Variants in RASA3 observed in about 807,000 individuals in gnomAD.
RASA3 encodes RAS p21 protein activator 3, also known as ras GTPase-activating protein 3.
RASA3 carries 73 observed loss-of-function variants against 110.0 expected under a neutral mutation model. The observed-to-expected ratio is 0.66, with a 90% CI of 0.55 to 0.81. The LOEUF (loss-of-function observed/expected upper bound fraction) is 0.81. Among genes scored for constraint, RASA3 ranks in the 30% least tolerant of loss-of-function variants. The pLI is 0.00. For synonymous variants in RASA3, 500 were observed against 451.4 expected (o/e 1.11, Z -1.37); for missense variants, 976 against 1,113.2 (o/e 0.88, Z 1.75).
chr13:114,045,963 T>C (rs1346791543), intron 3 of RASA3, among the ~76,000 whole-genome samples: 1 of 152,208 alleles, frequency 6.6e-6, no homozygotes, highest in Non-Finnish European at 1.5e-5. Context: ...ACCATGTCCA[T>C]GGATTTGAAG....
chr13:114,039,769 A>G (rs2054358198), intron 4 of RASA3, among the ~76,000 whole-genome samples: 1 of 152,186 alleles, frequency 6.6e-6, no homozygotes, highest in South Asian at 2.1e-4. Context: ...CTGTGAACAC[A>G]AGGGTCTGGG....
intron 15 of RASA3, among the ~76,000 whole-genome samples, chr13:114,012,700 T>TCATTCCACACACCCTCCC: frequency 1.4e-5 from 1 of 69,030 alleles, no homozygotes; most frequent in Non-Finnish European, 3.2e-5. Context: ...CACACACTCC[T>TCATTCCACACACCCTCCC]CATTCCACAC....
chr13:114,123,183 G>A (rs1462783828), intron 1 of RASA3, among the ~76,000 whole-genome samples: 1 of 152,190 alleles, frequency 6.6e-6, no homozygotes, highest in Non-Finnish European at 1.5e-5. Context: ...ACGCCGAGGT[G>A]GCCGCCCCAG....
chr13:114,105,800 T>G (rs2080126359), intron 1 of RASA3, among the ~76,000 whole-genome samples: 2 of 152,176 alleles, frequency 1.3e-5, no homozygotes, highest in African/African-American at 4.8e-5. Flanking sequence ...AAAAATATTT[T>G]TAAGAGAACA....
At position 114,027,445 on chromosome 13, in the gene RASA3, T is replaced by G; in HGVS notation, c.547A>C (p.Thr183Pro). Reference sequence around the variant, plus strand: ...TTGTTGGTCTTCCTCTTCACTTTCGTCTTCTTTGCTTCTGATCTGTTATCA... The same window carrying G: ...TTGTTGGTCTTCCTCTTCACTTTCGGCTTCTTTGCTTCTGATCTGTTATCA... ...AGPFRSEAKK[T>P]KVKRKTNNPQ... The change falls in exon 7 of 24, where the codon ACG becomes CCG. Residue 183 changes from threonine (T) to proline (P), a missense_variant. Physicochemically the swap from Thr to Pro is conservative, Grantham distance 38. Coordinates refer to ENST00000334062, the MANE Select transcript of RASA3 (RefSeq NM_007368.4). 2 of 1,612,640 alleles carry G rather than the reference T, an allele frequency of 1.2e-6. No homozygotes were observed. The highest frequency in any genetic ancestry group is 1.7e-6 in the Non-Finnish European group (2 of 1,178,732).
intron 8 of RASA3, among the ~76,000 whole-genome samples, chr13:114,023,181 C>G (rs2053961390): frequency 6.6e-6 from 1 of 152,244 alleles, no homozygotes. Flanking sequence ...TGATGGCCAG[C>G]ACATTCTCCA....
chr13:114,017,173 C>A (rs890722650), intron 12 of RASA3, 64 bp downstream of exon 12: 1 of 1,436,310 alleles, frequency 7.0e-7, no homozygotes, highest in African/African-American at 1.4e-5. Flanking sequence ...CAGTGCAGTG[C>A]CCTCTGTTGG....
At chr13:114,016,403 G>A (rs1366656984) in intron 12 of RASA3, 132 bp from the exon 13 acceptor site, 26 of 701,306 alleles carry the variant, frequency 3.7e-5, no homozygotes, top group Middle Eastern at 3.7e-4. Context: ...ACAGCTCCCC[G>A]AACCCGGCCA....
intron 1 of RASA3, among the ~76,000 whole-genome samples, chr13:114,092,078 T>C (rs919810966): frequency 6.6e-6 from 1 of 152,046 alleles, no homozygotes; most frequent in Non-Finnish European, 1.5e-5. Context: ...TTTTTCTTAG[T>C]CTAGCTAGAG....
chr13:114,010,449 C>A (rs1449251531), intron 16 of RASA3, among the ~76,000 whole-genome samples: 1 of 151,854 alleles, frequency 6.6e-6, no homozygotes, highest in Non-Finnish European at 1.5e-5. Flanking sequence ...CCCCCTCAAA[C>A]ACACAAGGTG....
At position 114,087,253 on chromosome 13, in the gene RASA3, T is replaced by G. The variant is rs529313897; in HGVS notation, c.56-13416A>C. On this transcript the variant is annotated intron_variant, in intron 1 of 23. Coordinates refer to ENST00000334062, the MANE Select transcript of RASA3 (RefSeq NM_007368.4). Reference sequence around the variant, plus strand: ...GGGGAAGTGCTGAGTCTGGAGTATTTATTCCCTTCGTCCTCGCGGGGAAAT... The same window carrying G: ...GGGGAAGTGCTGAGTCTGGAGTATTGATTCCCTTCGTCCTCGCGGGGAAAT... Among the ~76,000 whole-genome samples the G allele has an allele frequency of 3.8e-3, 165 of 43,942 alleles. 2 individuals are homozygous for G. Among genetic ancestry groups the G allele is most frequent in the Non-Finnish European group, 8.5e-3 (95 of 11,166 alleles). 28.8% of individuals were successfully genotyped at this position (43,942 alleles called of 152,430 possible).
In RASA3 at chr13:114,028,871, G is replaced by GGT. The variant is rs200912448; in HGVS notation, c.449+939_449+940insAC. Among the ~76,000 whole-genome samples the GGT allele has an allele frequency of 5.9e-3, 90 of 15,266 alleles. 12 individuals carry two copies. The highest frequency in any genetic ancestry group is 7.1e-3 in the Non-Finnish European group (64 of 8,980). The allele number at this position is 15,266 out of a possible 152,430, so 10.0% of individuals were successfully genotyped here. ...AGGACCTCTAAAACGGCATCATCCT[G>GGT]GGGCCAGGACCTCTAAAACAGTGTC... On this transcript the variant is annotated intron_variant, in intron 5 of 23. Transcript: ENST00000334062.
At position 114,013,213 on chromosome 13, in the gene RASA3, A is replaced by G; in HGVS notation, c.1441T>C (p.Phe481Leu). Residue 481 changes from phenylalanine (F) to leucine (L), a missense_variant, in exon 15 of 24, where the codon TTC (phenylalanine) becomes CTC (leucine). Physicochemically the swap from Phe to Leu is conservative, Grantham distance 22. Coordinates refer to ENST00000334062, the MANE Select transcript of RASA3 (RefSeq NM_007368.4). ...GGCGCAAAGAACCTCAGGAAGATGA[A>G]GCTGCTCACTGCAGTGTACCTGACG... is the stretch of plus-strand genomic sequence containing the variant. ...PDVRYTAVSS[F>L]IFLRFFAPAI... 1.2e-6 allele frequency: 2 copies of G among 1,613,404 alleles called. No individual in the cohort carries two copies. Among genetic ancestry groups the G allele is most frequent in the Non-Finnish European group, 1.7e-6 (2 of 1,179,716 alleles).
Position 114,000,815 on chromosome 13 carries a change from T to C in RASA3, c.1849+11A>G. On this transcript the variant is annotated intron_variant, in intron 19 of 23. Transcript: ENST00000334062. ...CCAGCAAGAGCCAGGGAAAGCGACC[T>C]TGCTCCTTACCTTTGCTTTTGTGGT... is the stretch of plus-strand genomic sequence containing the variant. 6.3e-7 allele frequency: 1 copy of C among 1,587,056 alleles called. No individual in the cohort carries two copies. Among genetic ancestry groups the C allele is most frequent in the Non-Finnish European group, 8.7e-7 (1 of 1,155,556 alleles).
At position 113,979,383 on chromosome 13, in the gene RASA3, G is replaced by A. The variant is rs749796706; in HGVS notation, c.2469C>T (p.Ile823=). The change falls in exon 24 of 24, where the codon ATC becomes ATT. Residue 823 remains isoleucine, a synonymous_variant. Coordinates refer to ENST00000334062, the MANE Select transcript of RASA3 (RefSeq NM_007368.4). The part of the protein sequence containing the change: ...PIGDKSFQNY[I]RQQSETSTHS... ...GAGTGGAGGTCTCGGACTGCTGCCG[G>A]ATGTAGTTCTGGAAGCTCTTGTCTC... is the stretch of plus-strand genomic sequence containing the variant. The A allele has an allele frequency of 1.9e-5, 31 of 1,607,192 alleles. No individual in the cohort carries two copies. The highest frequency in any genetic ancestry group is 2.6e-5 in the Non-Finnish European group (31 of 1,174,542).
rs2079811364 is a variant in RASA3, at chr13:114,083,336, C to T, written c.56-9499G>A. ...AGCTCAATTTCCTCCGATGTGTGGCCCATCCTGATTTCTGTGGTGTGAACA... is the reference window on the plus strand; with the variant it reads ...AGCTCAATTTCCTCCGATGTGTGGCTCATCCTGATTTCTGTGGTGTGAACA... On this transcript the variant is annotated intron_variant, in intron 1 of 23. Coordinates refer to ENST00000334062, the MANE Select transcript of RASA3 (RefSeq NM_007368.4). Among the ~76,000 whole-genome samples the T allele has an allele frequency of 3.3e-5, 5 of 152,332 alleles. No homozygotes were observed. In the South Asian group the frequency reaches 1.0e-3, roughly 32 times the overall value.
chr13:113,999,112 G>A (rs2053323852), intron 20 of RASA3, among the ~76,000 whole-genome samples: 1 of 23,362 alleles, frequency 4.3e-5, no homozygotes, highest in African/African-American at 1.5e-4. Flanking sequence ...ACGTGGGCCC[G>A]GGTCAAGCGT....
intron 1 of RASA3, among the ~76,000 whole-genome samples, chr13:114,110,900 T>G (rs1202036373): frequency 6.6e-6 from 1 of 151,942 alleles, no homozygotes; most frequent in African/African-American, 2.4e-5. Context: ...AGAGTGAGGG[T>G]CTGGCCGTGG....
rs190462308 is a variant in RASA3 at position 114,104,616 on chromosome 13, C to T, written c.55+27819G>A. ...CCACAAAGCCTCTCATCAGCCACCC[C>T]GTGGAGAACCACAGCCAAAAGCCTG... is the stretch of plus-strand genomic sequence containing the variant. On this transcript the variant is annotated intron_variant, in intron 1 of 23. Coordinates refer to ENST00000334062, the MANE Select transcript of RASA3 (RefSeq NM_007368.4). Among the ~76,000 whole-genome samples, 392 of 152,286 alleles carry T rather than the reference C, an allele frequency of 2.6e-3. 2 individuals carry two copies. The highest frequency in any genetic ancestry group is 9.1e-3 in the African/African-American group (379 of 41,552).
Sources: allele counts gnomAD v4.1 joint callset (sites outside exome capture counted in the v4.1 genomes callset), GRCh38; gene constraint gnomAD v4.1.1; transcripts MANE v1.5; gene names NCBI Gene and HGNC (gene_info 2026-07-23, HGNC 2026-07-21).